FBLN2: variants seen among roughly 807,000 people sequenced by gnomAD.
The protein encoded by FBLN2 is fibulin 2.
In FBLN2, 81 loss-of-function variants were observed where a neutral mutation model predicts 123.7. The observed-to-expected ratio is 0.65, with a 90% CI of 0.55 to 0.79. The LOEUF (loss-of-function observed/expected upper bound fraction) is 0.79. Ranked by LOEUF, FBLN2 falls within the 30% of genes least tolerant of loss-of-function variation. FBLN2 has a pLI of 0.00. For missense variants in FBLN2, 1,603 were observed against 1,681.3 expected, an observed-to-expected ratio of 0.95 and a Z score of 0.81; for synonymous variants, 699 against 701.4, an observed-to-expected ratio of 1.00 and a Z score of 0.05.
intron 2 of FBLN2, among the ~76,000 whole-genome samples, chr3:13,585,934 G>C (rs1268389525): frequency 6.6e-6 from 1 of 152,222 alleles, no homozygotes; most frequent in Admixed American, 6.5e-5. Context: ...GGGCACTACT[G>C]TGCGCTAGTG....
At chr3:13,602,351 G>A (rs747852606) in intron 2 of FBLN2, among the ~76,000 whole-genome samples, 8 of 152,232 alleles carry the variant, frequency 5.3e-5, no homozygotes, top group Admixed American at 2.0e-4. Flanking sequence ...TTCTGATACC[G>A]TTAGAGAAAG....
rs549408473 is a variant in FBLN2, at chr3:13,571,263, G to C, written c.908G>C (p.Gly303Ala). Residue 303 changes from glycine to alanine, a missense_variant, in exon 2 of 18, where the codon GGG becomes GCG. Gly to Ala is a moderately conservative substitution (Grantham distance 60). Transcript: ENST00000404922. ...TEQLAAGGHR[G>A]LDGLPTTAPA... Reference sequence around the variant, plus strand: ...CAGCTGGCAGCAGGTGGCCACAGGGGGCTGGATGGGCTGCCCACTACAGCC... The same window carrying C: ...CAGCTGGCAGCAGGTGGCCACAGGGCGCTGGATGGGCTGCCCACTACAGCC... 1.5e-5 allele frequency: 24 copies of C among 1,568,350 alleles called. No homozygotes were observed. The African/African-American group carries it at 1.8e-4, about 11-fold the overall frequency.
At chr3:13,634,479 GCA>G (rs1706382290) in intron 16 of FBLN2, among the ~76,000 whole-genome samples, 2 of 152,250 alleles carry the variant, frequency 1.3e-5, no homozygotes, top group South Asian at 4.1e-4. Flanking sequence ...CAGAGCCAAA[GCA>G]AAAAGCTCCC....
intron 10 of FBLN2, 26 bp downstream of exon 10, chr3:13,626,605 T>A (rs1232742095): frequency 6.6e-7 from 1 of 1,520,902 alleles, no homozygotes; most frequent in Admixed American, 2.0e-5. Flanking sequence ...AAGGACCAAC[T>A]GGAGGCCCCG....
intron 4 of FBLN2, among the ~76,000 whole-genome samples, chr3:13,611,276 C>T (rs1395528836): frequency 3.3e-5 from 5 of 152,192 alleles, no homozygotes; most frequent in Non-Finnish European, 7.4e-5. Flanking sequence ...GTGAAATACA[C>T]ATGATGTAAA....
chr3:13,583,940 C>T (rs1574960641), intron 2 of FBLN2, among the ~76,000 whole-genome samples: 1 of 152,322 alleles, frequency 6.6e-6, no homozygotes, highest in Non-Finnish European at 1.5e-5. Flanking sequence ...GATGAGGGTC[C>T]CTGCTGTTAA....
intron 2 of FBLN2, among the ~76,000 whole-genome samples, chr3:13,602,405 T>C (rs985775004): frequency 6.6e-6 from 1 of 152,238 alleles, no homozygotes; most frequent in African/African-American, 2.4e-5. Context: ...TCTCGGGTAT[T>C]CTTAAGCATT....
At chr3:13,633,097 G>GT (rs1220489001) in intron 16 of FBLN2, among the ~76,000 whole-genome samples, 1 of 152,220 alleles carries the variant, frequency 6.6e-6, no homozygotes, top group African/African-American at 2.4e-5. Context: ...CTCCCTGGCT[G>GT]TTTATTTTCT....
In FBLN2 at chr3:13,638,055, C is replaced by T. The variant is rs540897395; in HGVS notation, c.*136C>T. ...TTTGCTGACTTGACTCCTGTGGCTT[C>T]TGGACCCCTCCTCTGCCCCGCAGGA... On this transcript the variant is annotated 3_prime_UTR_variant, in exon 18 of 18. Transcript: ENST00000404922. 2.2e-5 allele frequency: 18 copies of T among 818,372 alleles called. No homozygotes were observed. The highest frequency in any genetic ancestry group is 3.3e-5 in the Non-Finnish European group (17 of 517,908). 50.7% of individuals were successfully genotyped at this position (818,372 alleles called of 1,614,324 possible).
chr3:13,609,690 G>GCC, intron 4 of FBLN2, 48 bp downstream of exon 4: 3 of 1,476,706 alleles, frequency 2.0e-6, no homozygotes, highest in African/African-American at 1.4e-5. Context: ...GGGGCGGGGC[G>GCC]GGAGGCTGGC....
intron 4 of FBLN2, 42 bp downstream of exon 4, chr3:13,609,684 C>CTTGGGGGGTGGGGGGGGGGGGG: frequency 5.1e-6 from 1 of 196,566 alleles, no homozygotes. Context: ...TGGGGTGGGG[C>CTTGGGGGGTGGGGGGGGGGGGG]GGGGCGGGAG....
chr3:13,602,446 C>T (rs1029374998), intron 2 of FBLN2, among the ~76,000 whole-genome samples: 9 of 152,132 alleles, frequency 5.9e-5, no homozygotes, highest in East Asian at 3.8e-4. Context: ...AGAATTAACA[C>T]GACAAATTCT....
At chr3:13,612,954 G>A (rs1040058311) in intron 4 of FBLN2, among the ~76,000 whole-genome samples, 10 of 152,130 alleles carry the variant, frequency 6.6e-5, no homozygotes, top group South Asian at 2.1e-4. Context: ...CCTGAGCCAC[G>A]CTCAGCTGAT....
intron 13 of FBLN2, 33 bp from the exon 14 acceptor site, chr3:13,629,787 C>T: frequency 6.4e-7 from 1 of 1,551,856 alleles, no homozygotes; most frequent in Non-Finnish European, 8.7e-7. Context: ...TTTAGGGCCA[C>T]CTACCCTGTA....
chr3:13,631,520 A>G (rs1706258416), intron 16 of FBLN2, 63 bp downstream of exon 16: 2 of 1,515,712 alleles, frequency 1.3e-6, no homozygotes, highest in Admixed American at 2.1e-5. Context: ...CCAAGCAGGC[A>G]CAGAAAAGCT....
chr3:13,616,064 G>T (rs1705591715), intron 5 of FBLN2, among the ~76,000 whole-genome samples: 1 of 152,212 alleles, frequency 6.6e-6, no homozygotes, highest in Non-Finnish European at 1.5e-5. Flanking sequence ...AGAGGCAGGG[G>T]TGAGTGTGTG....
chr3:13,593,043 T>G (rs1704726178), intron 2 of FBLN2, among the ~76,000 whole-genome samples: 1 of 152,178 alleles, frequency 6.6e-6, no homozygotes, highest in African/African-American at 2.4e-5. Context: ...CAAGGCCCCT[T>G]TGGATTTCAC....
At chr3:13,564,027 C>T (rs1703677118) in intron 1 of FBLN2, among the ~76,000 whole-genome samples, 1 of 152,194 alleles carries the variant, frequency 6.6e-6, no homozygotes, top group South Asian at 2.1e-4. Context: ...CAGGGAAGCC[C>T]TGTTGCTGGG....
In FBLN2 at chr3:13,629,265, C is replaced by T. The variant is rs777313335; in HGVS notation, c.2815C>T (p.Arg939Trp). The part of the protein sequence containing the change: ...YRCDCKAGFQ[R>W]DAFGRGCIDV... ...CTGTGACTGCAAAGCCGGCTTTCAG[C>T]GGGATGCCTTTGGCCGGGGCTGCAT... Residue 939 changes from arginine to tryptophan, a missense_variant, in exon 13 of 18, where the codon CGG (arginine) becomes TGG (tryptophan). Coordinates refer to ENST00000404922, the MANE Select transcript of FBLN2 (RefSeq NM_001004019.2). 24 of 1,612,160 alleles carry T rather than the reference C, an allele frequency of 1.5e-5. No individual in the cohort carries two copies. Among genetic ancestry groups the T allele is most frequent in the East Asian group, 6.7e-5 (3 of 44,858 alleles).
Sources: allele counts gnomAD v4.1 joint callset (sites outside exome capture counted in the v4.1 genomes callset), GRCh38; gene constraint gnomAD v4.1.1; transcripts MANE v1.5; gene names NCBI Gene and HGNC (gene_info 2026-07-23, HGNC 2026-07-21).